The following LYN variants were observed in gnomAD, a reference collection of about 807,000 sequenced individuals.
The protein encoded by LYN is tyrosine-protein kinase Lyn.
In LYN, 12 loss-of-function variants were observed where a neutral mutation model predicts 65.0. The observed-to-expected ratio is 0.18, with a 90% CI of 0.12 to 0.30. The LOEUF is 0.30. Ranked by LOEUF, LYN falls within the 10% of genes least tolerant of loss-of-function variation. The pLI is 1.00. For missense variants in LYN, 380 were observed against 623.2 expected (o/e 0.61, Z 4.16); for synonymous variants, 222 against 221.2 (o/e 1.00, Z -0.03).
chr8:55,945,983 C>T (rs1055030116), intron 2 of LYN, among the ~76,000 whole-genome samples: 8 of 152,232 alleles, frequency 5.3e-5, no homozygotes, highest in African/African-American at 1.9e-4. Context: ...TGTGAAGACT[C>T]CAGCCTTCAC....
chr8:55,914,716 T>C lies in LYN; in HGVS notation c.-5-27139T>C, dbSNP rs1805736942. On this transcript the variant is annotated intron_variant, in intron 1 of 12. Coordinates refer to ENST00000519728, the MANE Select transcript of LYN (RefSeq NM_002350.4). ...CTCGCTCACCTTACCCTTCCAGACA[T>C]GAGAAAACAGTTTCACTACAATATC... 2.0e-5 allele frequency among the ~76,000 whole-genome samples: 3 copies of C among 152,186 alleles called. No homozygotes were observed. In the East Asian group the frequency reaches 5.8e-4, roughly 29 times the overall value.
intron 12 of LYN, among the ~76,000 whole-genome samples, chr8:56,009,334 C>G (rs1427017895): frequency 6.6e-6 from 1 of 152,172 alleles, no homozygotes; most frequent in Non-Finnish European, 1.5e-5. Flanking sequence ...CTGTCTTGAT[C>G]CCCTCCATGC....
At chr8:55,887,929 G>A (rs1357427663) in intron 1 of LYN, among the ~76,000 whole-genome samples, 1 of 152,006 alleles carries the variant, frequency 6.6e-6, no homozygotes, top group African/African-American at 2.4e-5. Context: ...ATTTTAAAAC[G>A]GCAGGATATA....
At chr8:55,886,672 A>C (rs1235575634) in intron 1 of LYN, among the ~76,000 whole-genome samples, 1 of 152,178 alleles carries the variant, frequency 6.6e-6, no homozygotes, top group Non-Finnish European at 1.5e-5. Flanking sequence ...CCCTCCCCTT[A>C]ACTTGCAGGG....
At chr8:55,992,059 T>G (rs980060341) in intron 10 of LYN, among the ~76,000 whole-genome samples, 5 of 152,188 alleles carry the variant, frequency 3.3e-5, no homozygotes, top group Non-Finnish European at 5.9e-5. Context: ...ATCAACTTTC[T>G]GAGACAGAGT....
chr8:55,905,637 C>T (rs1254742201), intron 1 of LYN, among the ~76,000 whole-genome samples: 7 of 152,062 alleles, frequency 4.6e-5, no homozygotes. Flanking sequence ...GGATAGTTTC[C>T]CAGGGTTGGA....
chr8:55,911,102 T>TATATATATATATACATATATATATATAC (rs373111685), intron 1 of LYN, among the ~76,000 whole-genome samples: 4 of 28,850 alleles, frequency 1.4e-4, no homozygotes, highest in African/African-American at 5.4e-4. Flanking sequence ...TATATATACA[T>TATATATATATATACATATATATATATAC]ACACGTATAT....
intron 2 of LYN, among the ~76,000 whole-genome samples, chr8:55,942,299 G>A (rs1806634118): frequency 6.8e-6 from 1 of 146,298 alleles, no homozygotes; most frequent in Non-Finnish European, 1.5e-5. Flanking sequence ...ATATGTGTGT[G>A]TGTATATATG....
At chr8:55,972,048 G>T (rs1392304990) in intron 10 of LYN, among the ~76,000 whole-genome samples, 2 of 152,160 alleles carry the variant, frequency 1.3e-5, no homozygotes, top group African/African-American at 4.8e-5. Context: ...CTCCATCCAA[G>T]CCAGTTTACC....
intron 1 of LYN, among the ~76,000 whole-genome samples, chr8:55,941,175 CCA>C (rs1806600371): frequency 6.6e-6 from 1 of 152,162 alleles, no homozygotes; most frequent in South Asian, 2.1e-4. Context: ...TCAAGGCCCC[CCA>C]CCCCACTCCA....
At chr8:56,004,116 G>T (rs965921238) in intron 12 of LYN, among the ~76,000 whole-genome samples, 15 of 151,148 alleles carry the variant, frequency 9.9e-5, no homozygotes, top group African/African-American at 3.6e-4. Flanking sequence ...ATTTTTAGTA[G>T]AGATGGGGTT....
chr8:55,956,641 T>A (rs1348034293), intron 8 of LYN, among the ~76,000 whole-genome samples: 1 of 152,236 alleles, frequency 6.6e-6, no homozygotes, highest in African/African-American at 2.4e-5. Flanking sequence ...CTCTTCCCTC[T>A]TAGAAGCCGT....
chr8:55,952,147 G>C (rs1405674781), intron 7 of LYN, 32 bp downstream of exon 7: 2 of 1,544,178 alleles, frequency 1.3e-6, no homozygotes, highest in East Asian at 4.6e-5. Flanking sequence ...AACAAGACAA[G>C]ATATATTTGT....
At chr8:55,997,977 G>A (rs536428155) in intron 10 of LYN, among the ~76,000 whole-genome samples, 112 of 151,984 alleles carry the variant, frequency 7.4e-4, no homozygotes, top group Non-Finnish European at 1.0e-3. Flanking sequence ...CCAGCTACTC[G>A]GGAGGCTGAG....
At chr8:55,993,923 C>G (rs1808309335) in intron 10 of LYN, among the ~76,000 whole-genome samples, 1 of 152,190 alleles carries the variant, frequency 6.6e-6, no homozygotes, top group African/African-American at 2.4e-5. Context: ...GTGGGAGTCC[C>G]TGGGGACAGC....
At chr8:55,937,770 A>G (rs113953388) in intron 1 of LYN, among the ~76,000 whole-genome samples, 7,172 of 152,222 alleles carry the variant, frequency 0.047, 172 homozygotes, top group African/African-American at 0.07. Context: ...ATCTTGGCTT[A>G]CTGCAACCTC....
chr8:55,892,417 C>CT (rs1284021039), intron 1 of LYN, among the ~76,000 whole-genome samples: 4 of 152,080 alleles, frequency 2.6e-5, no homozygotes, highest in South Asian at 2.1e-4. Context: ...AAGACTCCAT[C>CT]TCAAAAAAAT....
intron 12 of LYN, among the ~76,000 whole-genome samples, chr8:56,003,788 A>G (rs1808598036): frequency 6.6e-6 from 1 of 152,184 alleles, no homozygotes; most frequent in African/African-American, 2.4e-5. Context: ...ACTCATTTTT[A>G]GAGGAGATAG....
chr8:55,932,467 C>T (rs1018741488), intron 1 of LYN, among the ~76,000 whole-genome samples: 5 of 151,900 alleles, frequency 3.3e-5, no homozygotes, highest in African/African-American at 1.2e-4. Context: ...TTTTGCCCAT[C>T]CTGGAGTACA....
Sources: allele counts gnomAD v4.1 joint callset (sites outside exome capture counted in the v4.1 genomes callset), GRCh38; gene constraint gnomAD v4.1.1; transcripts MANE v1.5; gene names NCBI Gene and HGNC (gene_info 2026-07-23, HGNC 2026-07-21).